Variants in FGF14 observed in about 807,000 individuals in gnomAD.
The protein encoded by FGF14 is fibroblast growth factor 14, also known as fibroblast growth factor homologous factor 4.
A neutral mutation model predicts 25.5 loss-of-function variants in FGF14; 5 were observed. The observed-to-expected ratio is 0.20, with a 90% CI of 0.10 to 0.41. FGF14 has a LOEUF of 0.41. Among genes scored for constraint, FGF14 ranks in the 10% least tolerant of loss-of-function variants. FGF14 has a pLI of 1.00. For synonymous variants in FGF14, 138 were observed against 118.3 expected, an observed-to-expected ratio of 1.17 and a Z score of -1.08; for missense variants, 222 against 320.1, an observed-to-expected ratio of 0.69 and a Z score of 2.34.
chr13:101,876,535 A>C (rs1482562469), intron 1 of FGF14, among the ~76,000 whole-genome samples: 1 of 152,140 alleles, frequency 6.6e-6, no homozygotes, highest in Non-Finnish European at 1.5e-5. Flanking sequence ...ATCATTTAAA[A>C]CTGATCATTT....
chr13:101,961,078 G>A (rs1446633946), intron 1 of FGF14, among the ~76,000 whole-genome samples: 1 of 151,880 alleles, frequency 6.6e-6, no homozygotes, highest in Non-Finnish European at 1.5e-5. Flanking sequence ...TGTACATTCT[G>A]GATATTAGAC....
intron 1 of FGF14, among the ~76,000 whole-genome samples, chr13:101,989,130 A>C (rs1171280130): frequency 1.3e-5 from 2 of 152,102 alleles, no homozygotes; most frequent in Admixed American, 6.6e-5. Flanking sequence ...ATTTCACTGA[A>C]GATATACTTT....
chr13:102,130,455 C>T (rs1475287013), intron 1 of FGF14, among the ~76,000 whole-genome samples: 1 of 152,178 alleles, frequency 6.6e-6, no homozygotes, highest in Non-Finnish European at 1.5e-5. Context: ...CTCCCTTCTC[C>T]AATTTTAAAG....
intron 1 of FGF14, among the ~76,000 whole-genome samples, chr13:101,909,546 C>T (rs563677187): frequency 1.3e-5 from 2 of 152,288 alleles, no homozygotes; most frequent in Admixed American, 1.3e-4. Flanking sequence ...AATGAGATAC[C>T]ATCTCACACC....
At chr13:102,127,363 T>C (rs1305912854) in intron 1 of FGF14, among the ~76,000 whole-genome samples, 1 of 152,182 alleles carries the variant, frequency 6.6e-6, no homozygotes, top group African/African-American at 2.4e-5. Flanking sequence ...CACTTCCTCT[T>C]TCTGTATGAG....
intron 1 of FGF14, among the ~76,000 whole-genome samples, chr13:101,952,757 G>A (rs1311219084): frequency 1.3e-5 from 2 of 152,146 alleles, no homozygotes; most frequent in Non-Finnish European, 2.9e-5. Context: ...GAGGTCAGGT[G>A]TGGTGGCCCA....
At chr13:102,119,015 T>C (rs536460220) in intron 1 of FGF14, among the ~76,000 whole-genome samples, 9 of 149,920 alleles carry the variant, frequency 6.0e-5, no homozygotes, top group African/African-American at 2.3e-4. Flanking sequence ...AGTAAAACTG[T>C]TGATTCAGCC....
chr13:102,349,032 A>C (rs2138960641), intron 1 of FGF14, among the ~76,000 whole-genome samples: 1 of 152,210 alleles, frequency 6.6e-6, no homozygotes, highest in African/African-American at 2.4e-5. Flanking sequence ...AAAGTGGGAG[A>C]CCTTTTTGGT....
chr13:102,105,317 T>C (rs369735436), intron 1 of FGF14, among the ~76,000 whole-genome samples: 38 of 152,350 alleles, frequency 2.5e-4, no homozygotes, highest in East Asian at 2.1e-3. Context: ...CAGTATTAAG[T>C]AGGTCTAGAG....
intron 3 of FGF14, among the ~76,000 whole-genome samples, chr13:101,753,863 GTTA>G (rs1405318409): frequency 6.6e-6 from 1 of 151,700 alleles, no homozygotes; most frequent in Non-Finnish European, 1.5e-5. Flanking sequence ...TCTGGTACTC[GTTA>G]TTGAGTAAAA....
intron 1 of FGF14, among the ~76,000 whole-genome samples, chr13:101,926,198 C>T (rs765417262): frequency 1.5e-4 from 23 of 152,212 alleles, no homozygotes; most frequent in Non-Finnish European, 2.6e-4. Context: ...CCACACCTAC[C>T]CTGTATCCAA....
intron 1 of FGF14, among the ~76,000 whole-genome samples, chr13:102,366,238 A>T (rs2057708949): frequency 6.6e-6 from 1 of 152,178 alleles, no homozygotes; most frequent in Admixed American, 6.6e-5. Context: ...CCTGGGAAAC[A>T]CAAGATTGCC....
At chr13:101,905,413 G>T (rs1328213389) in intron 1 of FGF14, among the ~76,000 whole-genome samples, 2 of 152,142 alleles carry the variant, frequency 1.3e-5, no homozygotes, top group African/African-American at 4.8e-5. Context: ...GGACATGGAT[G>T]AAGCTGGAAA....
chr13:102,010,334 C>A (rs766989839), intron 1 of FGF14, among the ~76,000 whole-genome samples: 1 of 151,942 alleles, frequency 6.6e-6, no homozygotes, highest in Non-Finnish European at 1.5e-5. Context: ...GCTGTTTCTA[C>A]GGAGAGAGGA....
At chr13:101,802,418 G>A (rs2040927910) in intron 3 of FGF14, 2 of 212,518 alleles carry the variant, frequency 9.4e-6, no homozygotes, top group Middle Eastern at 1.8e-3. Flanking sequence ...AAAACATGGA[G>A]GACAAAGAGG....
intron 3 of FGF14, among the ~76,000 whole-genome samples, chr13:101,746,847 G>C (rs1302998946): frequency 6.6e-6 from 1 of 151,920 alleles, no homozygotes; most frequent in Non-Finnish European, 1.5e-5. Context: ...GCATTCTCTA[G>C]CCATAATTCT....
rs530894780 is a variant in FGF14, at chr13:101,991,064, G to C, written c.209-115768C>G. Among the ~76,000 whole-genome samples the C allele has an allele frequency of 4.4e-4, 67 of 152,142 alleles. 1 individual carries two copies. Among genetic ancestry groups the C allele is most frequent in the African/African-American group, 1.5e-3 (63 of 41,530 alleles). ...AGCACAATACTTCTTTAACCCTGCA[G>C]TTGAAAAACTTGTTTTGTATCTTTC... is the stretch of plus-strand genomic sequence containing the variant. On this transcript the variant is annotated intron_variant, in intron 1 of 4. Transcript: ENST00000376131.
At chr13:102,116,703 G>A (rs934385219) in intron 1 of FGF14, among the ~76,000 whole-genome samples, 3 of 152,180 alleles carry the variant, frequency 2.0e-5, no homozygotes, top group Non-Finnish European at 2.9e-5. Context: ...TGGATACAGA[G>A]TTTGTTTGAG....
chr13:102,038,416 T>A (rs150910688), intron 1 of FGF14, among the ~76,000 whole-genome samples: 82 of 152,244 alleles, frequency 5.4e-4, no homozygotes, highest in African/African-American at 1.9e-3. Flanking sequence ...CAAAACTTGA[T>A]AAATCAACAT....
Sources: gnomAD v4.1 joint callset for allele counts (sites outside exome capture counted in the v4.1 genomes callset) on GRCh38, gnomAD v4.1.1 for gene constraint, MANE v1.5 for transcripts, NCBI Gene and HGNC (gene_info 2026-07-23, HGNC 2026-07-21) for gene names.